PLSCR5: variants seen among roughly 807,000 people sequenced by gnomAD.
PLSCR5 encodes phospholipid scramblase family member 5.
Under a neutral mutation model 33.6 loss-of-function variants are expected in PLSCR5, and 44 were observed. The observed-to-expected ratio is 1.31, with a 90% CI of 1.03 to 1.69. PLSCR5 has a LOEUF of 1.69. Ranked by LOEUF, PLSCR5 falls within the 40% of genes most tolerant of loss-of-function variation. PLSCR5 has a pLI of 0.00. For synonymous variants in PLSCR5, 148 were observed against 112.3 expected, an observed-to-expected ratio of 1.32 and a Z score of -2.01; for missense variants, 375 against 318.7, an observed-to-expected ratio of 1.18 and a Z score of -1.34.
intron 1 of PLSCR5, 74 bp downstream of exon 1, chr3:146,605,126 G>T: frequency 1.4e-6 from 2 of 1,449,818 alleles, no homozygotes; most frequent in Admixed American, 1.8e-5. Flanking sequence ...CTAACTGGTT[G>T]TAACACATCC....
intron 4 of PLSCR5, among the ~76,000 whole-genome samples, chr3:146,592,582 C>T (rs945251473): frequency 1.3e-5 from 2 of 152,070 alleles, no homozygotes; most frequent in Non-Finnish European, 2.9e-5. Context: ...TAAACCAAGA[C>T]ATCGCCATCA....
intron 4 of PLSCR5, among the ~76,000 whole-genome samples, chr3:146,593,227 TAG>T (rs756314683): frequency 6.6e-6 from 1 of 152,074 alleles, no homozygotes; most frequent in Non-Finnish European, 1.5e-5. Context: ...CTGCCAAATG[TAG>T]AGAGTAATTA....
At chr3:146,588,576 C>G (rs1482339653) in intron 6 of PLSCR5, among the ~76,000 whole-genome samples, 2 of 152,064 alleles carry the variant, frequency 1.3e-5, no homozygotes, top group Non-Finnish European at 2.9e-5. Context: ...TATACACACA[C>G]ACACACCCCT....
rs761296393 is a variant in PLSCR5 at position 146,593,968 on chromosome 3, G to C, written c.405C>G (p.Asn135Lys). Reference protein sequence around the residue: ...DNSGREVITVNRPLRCNSCWC... With the variant: ...DNSGREVITVKRPLRCNSCWC... ...AGCAGCTGTTACATCTCAAGGGCCT[G>C]TTCACTGTAATGACCTCTCGACCTG... The change falls in exon 4 of 8, where the codon AAC becomes AAG. Residue 135 changes from asparagine (N) to lysine (K), a missense_variant. By Grantham distance (94) the Asn-to-Lys change is moderately conservative. Coordinates refer to ENST00000443512, the MANE Select transcript of PLSCR5 (RefSeq NM_001085420.2). 6.2e-7 allele frequency: 1 copy of C among 1,613,704 alleles called. No homozygotes were observed. Among genetic ancestry groups the C allele is most frequent in the Non-Finnish European group, 8.5e-7 (1 of 1,179,796 alleles).
At position 146,585,847 on chromosome 3, in the gene PLSCR5, A is replaced by G; in HGVS notation, c.*140T>C. The G allele has an allele frequency of 2.9e-6, 1 of 350,316 alleles. No individual in the cohort carries two copies. The highest frequency in any genetic ancestry group is 5.0e-6 in the Non-Finnish European group (1 of 200,832). 21.7% of individuals were successfully genotyped at this position (350,316 alleles called of 1,614,324 possible). On this transcript the variant is annotated 3_prime_UTR_variant, in exon 8 of 8. Coordinates refer to ENST00000443512, the MANE Select transcript of PLSCR5 (RefSeq NM_001085420.2). ...TTCACAACTAGATAATTGCCTCATT[A>G]AACTGTTTTAATAAATATAATAATT...
intron 5 of PLSCR5, 138 bp from the exon 6 acceptor site, chr3:146,589,952 C>T (rs545630120): frequency 3.7e-6 from 2 of 536,384 alleles, no homozygotes; most frequent in South Asian, 5.0e-5. Context: ...TTATTCATTC[C>T]ATCATATAAG....
intron 6 of PLSCR5, among the ~76,000 whole-genome samples, chr3:146,588,805 C>T (rs2107849936): frequency 6.6e-6 from 1 of 152,244 alleles, no homozygotes; most frequent in Non-Finnish European, 1.5e-5. Flanking sequence ...TTAGGAAATG[C>T]ACACTAATAT....
At chr3:146,596,936 A>T (rs559461681) in intron 2 of PLSCR5, among the ~76,000 whole-genome samples, 1 of 152,328 alleles carries the variant, frequency 6.6e-6, no homozygotes, top group Admixed American at 6.5e-5. Context: ...TATTAGAAAA[A>T]AAATACTAGA....
intron 7 of PLSCR5, among the ~76,000 whole-genome samples, chr3:146,579,762 A>C (rs2044621232): frequency 6.6e-6 from 1 of 152,252 alleles, no homozygotes. Flanking sequence ...ACGTAAATTC[A>C]GAAGAAAATA....
downstream of PLSCR5, among the ~76,000 whole-genome samples, chr3:146,584,655 A>G (rs1181145046): frequency 6.6e-6 from 1 of 152,002 alleles, no homozygotes; most frequent in East Asian, 1.9e-4. Context: ...GGTGTAAATA[A>G]GGAAAAAGAA....
chr3:146,590,220 G>A (rs962452155), intron 5 of PLSCR5: 1 of 153,146 alleles, frequency 6.5e-6, no homozygotes, highest in African/African-American at 2.4e-5. Flanking sequence ...AAGAAGATAT[G>A]TTTGAAAAAA....
At chr3:146,588,497 A>T (rs2044683237) in intron 6 of PLSCR5, among the ~76,000 whole-genome samples, 1 of 151,914 alleles carries the variant, frequency 6.6e-6, no homozygotes, top group Non-Finnish European at 1.5e-5. Flanking sequence ...AATAAAACAA[A>T]AACAAAAATG....
rs1236003192 is a variant in PLSCR5, at chr3:146,589,880, G to A, written c.616-66C>T. Reference sequence around the variant, plus strand: ...AAAAGTTGGTTTTATACTTCTGAGGGTGTTTACTTCATGAGAGATTTGAAT... The same window carrying A: ...AAAAGTTGGTTTTATACTTCTGAGGATGTTTACTTCATGAGAGATTTGAAT... On this transcript the variant is annotated intron_variant, in intron 5 of 7. Transcript: ENST00000443512. 5 of 1,038,586 alleles carry A rather than the reference G, an allele frequency of 4.8e-6. No individual in the cohort carries two copies. The East Asian group carries it at 7.8e-5, about 16-fold the overall frequency. 64.3% of individuals were successfully genotyped at this position (1,038,586 alleles called of 1,614,324 possible).
At chr3:146,583,066 A>C (rs2044642996), downstream of PLSCR5, among the ~76,000 whole-genome samples, 1 of 151,202 alleles carries the variant, frequency 6.6e-6, no homozygotes, top group African/African-American at 2.4e-5. Context: ...TTCTTGAAAA[A>C]CCCTAGCCTT....
intron 6 of PLSCR5, among the ~76,000 whole-genome samples, 166 bp from the exon 7 acceptor site, chr3:146,586,278 A>G (rs1014334316): frequency 3.9e-5 from 6 of 152,176 alleles, no homozygotes; most frequent in Non-Finnish European, 7.4e-5. Flanking sequence ...AAGCTTTACA[A>G]CATTTTATTT....
At chr3:146,584,098 A>G (rs2044650862), downstream of PLSCR5, among the ~76,000 whole-genome samples, 2 of 152,200 alleles carry the variant, frequency 1.3e-5, no homozygotes, top group Non-Finnish European at 2.9e-5. Flanking sequence ...CTTTGTTATC[A>G]TTTCGTTACC....
chr3:146,589,797 T>G lies in PLSCR5; in HGVS notation c.633A>C (p.Glu211Asp). The change falls in exon 6 of 8, where the codon GAA (glutamate) becomes GAC (aspartate). Residue 211 changes from glutamate to aspartate, a missense_variant. Transcript: ENST00000443512. The stretch of plus-strand genomic sequence containing the variant: ...TTGAAATCTTCCCAATTGTAAGCTT[T>G]TCATTAATGGTTTTCACCTTTAGAA... ...DVDFEVKTIN[E>D]KLTIGKISKY... 1 of 1,551,822 alleles carries G rather than the reference T, an allele frequency of 6.4e-7. No homozygotes were observed. The highest frequency in any genetic ancestry group is 1.2e-5 in the South Asian group (1 of 84,378).
At chr3:146,598,499 T>C (rs894750377) in intron 2 of PLSCR5, among the ~76,000 whole-genome samples, 1 of 152,230 alleles carries the variant, frequency 6.6e-6, no homozygotes. Flanking sequence ...AACAAAGGTA[T>C]ATTTTTGGAA....
In PLSCR5 at chr3:146,580,652, T is replaced by TG. The variant is rs536114061; in HGVS notation, c.*45-3928dup. ...TTAATTTTTTGTATTTTAGCAGAGA[T>TG]GGAGTTTCACCGTGTTGCCCGGCTG... is the stretch of plus-strand genomic sequence containing the variant. On this transcript the variant is annotated intron_variant, in intron 7 of 7. Coordinates refer to the PLSCR5 transcript ENST00000482567. Among the ~76,000 whole-genome samples, 45 of 152,024 alleles carry TG rather than the reference T, an allele frequency of 3.0e-4. No individual in the cohort carries two copies. The East Asian group carries it at 7.9e-3, about 27-fold the overall frequency.
Sources: allele counts gnomAD v4.1 joint callset (sites outside exome capture counted in the v4.1 genomes callset), GRCh38; gene constraint gnomAD v4.1.1; transcripts MANE v1.5; gene names NCBI Gene and HGNC (gene_info 2026-07-23, HGNC 2026-07-21).